Variants in PIGN observed in about 807,000 individuals in gnomAD.
PIGN encodes GPI ethanolamine phosphate transferase 1.
Under a neutral mutation model 125.4 loss-of-function variants are expected in PIGN, and 117 were observed. That is an observed-to-expected ratio of 0.93 (90% CI 0.80 to 1.09). The LOEUF is 1.09. PIGN is among the 50% of genes least tolerant of loss of function. PIGN has a pLI of 0.00. For missense variants in PIGN, 1,075 were observed against 1,094.9 expected, an observed-to-expected ratio of 0.98 and a Z score of 0.26; for synonymous variants, 392 against 377.8, an observed-to-expected ratio of 1.04 and a Z score of -0.44.
At chr18:62,168,701 T>C (rs1392034522) in intron 1 of PIGN, among the ~76,000 whole-genome samples, 3 of 152,162 alleles carry the variant, frequency 2.0e-5, no homozygotes, top group Non-Finnish European at 4.4e-5. Context: ...ATGTTCTTTA[T>C]AGCATTTTTA....
chr18:62,020,795 T>TAAA (rs58826066), intron 23 of PIGN, among the ~76,000 whole-genome samples: 1 of 140,984 alleles, frequency 7.1e-6, no homozygotes, highest in African/African-American at 2.6e-5. Flanking sequence ...CTAAAAATAT[T>TAAA]AAAAAAAAAA....
At chr18:62,117,686 C>T (rs918777082) in intron 14 of PIGN, among the ~76,000 whole-genome samples, 3 of 151,976 alleles carry the variant, frequency 2.0e-5, no homozygotes, top group African/African-American at 7.2e-5. Flanking sequence ...TGAAATATAA[C>T]AAGAAGGATA....
Position 62,043,296 on chromosome 18 carries a change from C to G in PIGN, c.*2560G>C, listed in dbSNP as rs1051718011. ...GCTACGCCTGTCCTAGAGACCATACCCACGCAATCTCCTTCATTCCCTCTA... is the reference window on the plus strand; with the variant it reads ...GCTACGCCTGTCCTAGAGACCATACGCACGCAATCTCCTTCATTCCCTCTA... On this transcript the variant is annotated 3_prime_UTR_variant, in exon 31 of 31. Coordinates refer to ENST00000640252, the MANE Select transcript of PIGN (RefSeq NM_176787.5). The G allele has an allele frequency of 6.6e-6, 1 of 152,074 alleles. No individual in the cohort carries two copies. The highest frequency in any genetic ancestry group is 1.5e-5 in the Non-Finnish European group (1 of 68,036). The allele number at this position is 152,074 out of a possible 1,614,324, so 9.4% of individuals were successfully genotyped here.
At chr18:62,019,921 G>A (rs190058780) in intron 23 of PIGN, among the ~76,000 whole-genome samples, 71 of 152,370 alleles carry the variant, frequency 4.7e-4, no homozygotes, top group African/African-American at 1.7e-3. Flanking sequence ...GCCCAGCATA[G>A]CACAGCGTTG....
chr18:62,148,152 TA>T lies in PIGN; in HGVS notation c.674+61del, dbSNP rs1389797028. On this transcript the variant is annotated intron_variant, in intron 8 of 30. Transcript: ENST00000640252. ...TATAATTCCAAAGAAAACTTTATAA[TA>T]AAAAGTTCAATAGAATAGCTGTTGC... 1.1e-5 allele frequency: 15 copies of T among 1,317,422 alleles called. No individual in the cohort carries two copies. In the Admixed American group the frequency reaches 2.5e-4, roughly 22 times the overall value. The allele number at this position is 1,317,422 out of a possible 1,614,324, so 81.6% of individuals were successfully genotyped here. A position where few individuals can be genotyped will look rare whatever the true frequency, so the allele number is the denominator to read the frequency against.
chr18:62,099,480 A>C (rs1389403954), intron 22 of PIGN, among the ~76,000 whole-genome samples: 1 of 149,988 alleles, frequency 6.7e-6, no homozygotes, highest in Non-Finnish European at 1.5e-5. Context: ...AAAGACTCTG[A>C]ATAGCCAAAG....
chr18:62,021,742 T>G (rs557903440), intron 23 of PIGN, among the ~76,000 whole-genome samples: 3 of 152,324 alleles, frequency 2.0e-5, no homozygotes, highest in South Asian at 4.1e-4. Flanking sequence ...GATTTAGCCA[T>G]GTAAAACAAC....
Position 62,154,564 on chromosome 18 carries a change from C to G in PIGN, c.530G>C (p.Trp177Ser), listed in dbSNP as rs1188835973. 1 of 1,546,442 alleles carries G rather than the reference C, an allele frequency of 6.5e-7. No homozygotes were observed. The highest frequency in any genetic ancestry group is 1.7e-5 in the Admixed American group (1 of 59,760). Residue 177 changes from tryptophan (W) to serine (S), a missense_variant, in exon 7 of 31, where the codon TGG becomes TCG. By Grantham distance (177) the Trp-to-Ser change is radical. Transcript: ENST00000640252. ...ACAAACCTTAACATTATCAAAAACC[C>G]ACGTATCCAGTTTTGTTGCATCTTG... Reference protein sequence around the residue: ...GAQDATKLDTWVFDNVKDFFH... With the variant: ...GAQDATKLDTSVFDNVKDFFH...
At chr18:62,063,860 T>C (rs1178165912) in intron 30 of PIGN, among the ~76,000 whole-genome samples, 1 of 138,444 alleles carries the variant, frequency 7.2e-6, no homozygotes, top group African/African-American at 2.7e-5. Flanking sequence ...TTCTCACTCA[T>C]AGGTGGGAAT....
At chr18:62,141,836 A>G (rs2036147130) in intron 11 of PIGN, among the ~76,000 whole-genome samples, 1 of 152,128 alleles carries the variant, frequency 6.6e-6, no homozygotes, top group Non-Finnish European at 1.5e-5. Context: ...ACACCACCCC[A>G]TGGTTTCTAT....
intron 30 of PIGN, among the ~76,000 whole-genome samples, chr18:62,061,672 T>A (rs1625012): frequency 2.6e-5 from 4 of 152,158 alleles, no homozygotes; most frequent in African/African-American, 9.7e-5. Flanking sequence ...GGGGAACCAG[T>A]GCAGGAGCAC....
intron 10 of PIGN, among the ~76,000 whole-genome samples, chr18:62,143,788 G>A (rs1360722488): frequency 6.6e-6 from 1 of 152,136 alleles, no homozygotes; most frequent in Non-Finnish European, 1.5e-5. Context: ...ACCTAAAACT[G>A]TAGTTGTGAT....
At chr18:62,171,653 G>A (rs1270381376) in intron 1 of PIGN, among the ~76,000 whole-genome samples, 1 of 152,064 alleles carries the variant, frequency 6.6e-6, no homozygotes, top group Non-Finnish European at 1.5e-5. Context: ...ATCATGAATG[G>A]ATGTTGGATT....
chr18:62,129,319 T>G (rs1316283861), intron 14 of PIGN, among the ~76,000 whole-genome samples: 1 of 152,128 alleles, frequency 6.6e-6, no homozygotes, highest in Non-Finnish European at 1.5e-5. Context: ...AAGTCCACAT[T>G]CTTAGCTGTC....
intron 23 of PIGN, among the ~76,000 whole-genome samples, chr18:62,091,527 G>T (rs1240265710): frequency 6.6e-6 from 1 of 152,172 alleles, no homozygotes; most frequent in African/African-American, 2.4e-5. Flanking sequence ...GCAGACATGT[G>T]CTACAATTTC....
In PIGN at chr18:62,113,303, T is replaced by C. The variant is rs1222563461; in HGVS notation, c.1265A>G (p.Lys422Arg). 1.9e-6 allele frequency: 3 copies of C among 1,606,642 alleles called. No homozygotes were observed. Among genetic ancestry groups the C allele is most frequent in the Admixed American group, 1.7e-5 (1 of 58,992 alleles). ...RKFDEVVSLC[K>R]ELIHLALKGL... Reference sequence around the variant, plus strand: ...TTTCAATGCAAGATGAATTAGCTCCTTGCAAAGGGAGACCTATGGAGAAAA... The same window carrying C: ...TTTCAATGCAAGATGAATTAGCTCCCTGCAAAGGGAGACCTATGGAGAAAA... Residue 422 changes from lysine to arginine, a missense_variant, in exon 16 of 31, where the codon AAG becomes AGG. Physicochemically the swap from Lys to Arg is conservative, Grantham distance 26 (BLOSUM62 2). This residue lies in a region of PIGN where 915 missense variants were observed against 908.7 expected (regional missense o/e 1.01). Transcript: ENST00000640252.
chr18:62,059,257 T>G (rs62095272), intron 30 of PIGN: 50,492 of 149,246 alleles, frequency 0.34, 9,362 homozygotes, highest in East Asian at 0.64. Flanking sequence ...AGAGATGAGA[T>G]GAGTGAAGGA....
rs555749996 is a variant in PIGN at position 62,045,824 on chromosome 18, G to A, written c.*32C>T. The A allele has an allele frequency of 6.2e-7, 1 of 1,610,842 alleles. No individual in the cohort carries two copies. Among genetic ancestry groups the A allele is most frequent in the Admixed American group, 1.7e-5 (1 of 59,888 alleles). ...AGATTTTAGCTTAAAAGGAGAATCA[G>A]GATCCAGATGCTGAATGGTGCTTCA... On this transcript the variant is annotated 3_prime_UTR_variant, in exon 31 of 31. Coordinates refer to ENST00000640252, the MANE Select transcript of PIGN (RefSeq NM_176787.5).
chr18:62,175,515 T>C (rs1478732018), intron 1 of PIGN, among the ~76,000 whole-genome samples: 1 of 152,178 alleles, frequency 6.6e-6, no homozygotes, highest in Non-Finnish European at 1.5e-5. Flanking sequence ...GTGAGTAGCT[T>C]TCCATTGTTC....
Sources: allele counts gnomAD v4.1 joint callset (sites outside exome capture counted in the v4.1 genomes callset), GRCh38; gene constraint gnomAD v4.1.1; regional missense constraint gnomAD v4.1.1; transcripts MANE v1.5; gene names NCBI Gene and HGNC (gene_info 2026-07-23, HGNC 2026-07-21).